DRC8: variants seen among roughly 807,000 people sequenced by gnomAD.
The protein encoded by DRC8 is dynein regulatory complex subunit 8, also known as dynein regulatory complex protein 8.
chr1:244,970,608 C>T, the DRC8 span: 87 of 765,652 alleles, frequency 1.1e-4, no homozygotes, highest in Non-Finnish European at 1.6e-4. Context: ...TCGCCCTGCC[C>T]CCGTCCCCGT....
chr1:245,112,733 C>G, the DRC8 span, among the ~76,000 whole-genome samples: 1 of 151,814 alleles, frequency 6.6e-6, no homozygotes, highest in East Asian at 1.9e-4. Context: ...CAAACAGTAA[C>G]TCCCGTTCTT....
chr1:244,997,228 T>C, the DRC8 span, among the ~76,000 whole-genome samples: 1 of 152,220 alleles, frequency 6.6e-6, no homozygotes, highest in Non-Finnish European at 1.5e-5. Flanking sequence ...GTTCTTCTAC[T>C]GACTTTCCTT....
chr1:245,075,192 T>C, the DRC8 span, among the ~76,000 whole-genome samples: 10 of 152,170 alleles, frequency 6.6e-5, no homozygotes, highest in Admixed American at 1.3e-4. Context: ...GGCCTGATGA[T>C]TTCTCGATGC....
At chr1:244,985,863 CAAA>C in the DRC8 span, among the ~76,000 whole-genome samples, 1 of 137,500 alleles carries the variant, frequency 7.3e-6, no homozygotes. Context: ...GACTCCATCT[CAAA>C]AAAAAAAAAA....
the DRC8 span, among the ~76,000 whole-genome samples, chr1:245,116,762 T>A: frequency 0.66 from 99,909 of 152,116 alleles, 34,619 homozygotes; most frequent in East Asian, 0.86. Context: ...GCTGGTCTTG[T>A]AGAAATATTT....
the DRC8 span, among the ~76,000 whole-genome samples, chr1:245,032,475 G>A: frequency 6.6e-6 from 1 of 152,164 alleles, no homozygotes; most frequent in Non-Finnish European, 1.5e-5. Flanking sequence ...AAACTACTGA[G>A]TACATTTTGT....
chr1:245,078,207 G>A, the DRC8 span, among the ~76,000 whole-genome samples: 8 of 151,942 alleles, frequency 5.3e-5, no homozygotes, highest in Non-Finnish European at 1.0e-4. Flanking sequence ...GTGAGGGTGT[G>A]GAGAAAAAGG....
the DRC8 span, among the ~76,000 whole-genome samples, chr1:245,064,856 T>TC: frequency 5.9e-5 from 9 of 151,832 alleles, no homozygotes; most frequent in South Asian, 2.1e-4. Context: ...CTCTGGACAG[T>TC]TTTTTTTCCC....
chr1:244,980,218 CAAAAAAAA>C, the DRC8 span, among the ~76,000 whole-genome samples: 1 of 64,980 alleles, frequency 1.5e-5, no homozygotes, highest in South Asian at 5.1e-4. Context: ...GACTCCGTCT[CAAAAAAAA>C]AAAAAAAAAA....
At chr1:245,107,610 G>T in the DRC8 span, among the ~76,000 whole-genome samples, 1 of 152,192 alleles carries the variant, frequency 6.6e-6, no homozygotes, top group Admixed American at 6.5e-5. Context: ...TCCTGCCTTT[G>T]CTGTCTGACG....
At chr1:245,039,441 C>A in the DRC8 span, among the ~76,000 whole-genome samples, 1 of 147,062 alleles carries the variant, frequency 6.8e-6, no homozygotes, top group South Asian at 2.2e-4. Flanking sequence ...CATCACTGCA[C>A]TTCAGAGTGC....
chr1:245,045,249 G>A, the DRC8 span, among the ~76,000 whole-genome samples: 2 of 151,532 alleles, frequency 1.3e-5, no homozygotes, highest in Non-Finnish European at 2.9e-5. Context: ...GACACAGGTG[G>A]TCCTCCCGCC....
chr1:245,079,101 T>C, the DRC8 span, among the ~76,000 whole-genome samples: 1 of 152,324 alleles, frequency 6.6e-6, no homozygotes, highest in East Asian at 1.9e-4. Context: ...TAATATAAAA[T>C]AGTGTCTATA....
the DRC8 span, chr1:244,970,696 C>T: frequency 7.4e-5 from 37 of 500,286 alleles, no homozygotes; most frequent in Non-Finnish European, 1.1e-4. Flanking sequence ...TCCCCTCTTC[C>T]CTCCCTCTTC....
the DRC8 span, among the ~76,000 whole-genome samples, chr1:245,003,362 G>T: frequency 6.6e-6 from 1 of 152,152 alleles, no homozygotes; most frequent in South Asian, 2.1e-4. Flanking sequence ...GAGGAACTAC[G>T]ATACTGGTTT....
chr1:245,064,378 C>T, the DRC8 span, among the ~76,000 whole-genome samples: 1 of 152,142 alleles, frequency 6.6e-6, no homozygotes. Context: ...AAGAGGATAC[C>T]ATGGCAGGGA....
chr1:245,069,554 C>T, the DRC8 span, among the ~76,000 whole-genome samples: 1 of 152,090 alleles, frequency 6.6e-6, no homozygotes, highest in Non-Finnish European at 1.5e-5. Flanking sequence ...ACAAATACTG[C>T]ATGTGAGGTA....
chr1:244,991,814 G>A, the DRC8 span, among the ~76,000 whole-genome samples: 1 of 152,146 alleles, frequency 6.6e-6, no homozygotes, highest in East Asian at 1.9e-4. Context: ...TTGACATTCA[G>A]TATGTTTTAA....
At chr1:245,066,407 T>A in the DRC8 span, among the ~76,000 whole-genome samples, 1 of 152,062 alleles carries the variant, frequency 6.6e-6, no homozygotes, top group African/African-American at 2.4e-5. Context: ...CACTGATAAT[T>A]ATAGCATATA....
Sources: allele counts gnomAD v4.1 joint callset (sites outside exome capture counted in the v4.1 genomes callset), GRCh38; gene constraint gnomAD v4.1.1; transcripts MANE v1.5; gene names NCBI Gene and HGNC (gene_info 2026-07-23, HGNC 2026-07-21).